SCAND3: variants seen among roughly 807,000 people sequenced by gnomAD.
SCAND3 encodes SCAN domain containing 3, also known as SCAN domain-containing protein 3.
the SCAND3 span, chr6:28,615,987 G>A: frequency 6.6e-6 from 1 of 152,164 alleles, no homozygotes; most frequent in Non-Finnish European, 1.5e-5. Context: ...ATGTTTTCTT[G>A]TAAAAGTTTT....
chr6:28,598,146 A>G, the SCAND3 span: 1 of 152,196 alleles, frequency 6.6e-6, no homozygotes, highest in Non-Finnish European at 1.5e-5. Context: ...GGAGCCAGCT[A>G]GCTTGGGTCG....
chr6:28,575,633 T>C, the SCAND3 span: 4 of 1,614,056 alleles, frequency 2.5e-6, no homozygotes, highest in African/African-American at 5.3e-5. This position sits in a 1 kb window ranked among gnomAD's most constrained non-coding sequence, Gnocchi z 4.2. Flanking sequence ...TTCTTGAGTT[T>C]TGAATTTTTC....
the SCAND3 span, among the ~76,000 whole-genome samples, chr6:28,583,442 C>A: frequency 6.6e-6 from 1 of 152,110 alleles, no homozygotes; most frequent in African/African-American, 2.4e-5. Context: ...ATATAATCAT[C>A]AAAAATCCAA....
chr6:28,584,569 A>G, the SCAND3 span, among the ~76,000 whole-genome samples: 1 of 152,166 alleles, frequency 6.6e-6, no homozygotes, highest in Non-Finnish European at 1.5e-5. Flanking sequence ...CCATCAGTTG[A>G]TCCTTTGTAG....
At chr6:28,597,380 T>C in the SCAND3 span, among the ~76,000 whole-genome samples, 3 of 152,316 alleles carry the variant, frequency 2.0e-5, no homozygotes, top group East Asian at 1.9e-4. Flanking sequence ...CAGAGCACAA[T>C]GGATTAGCAG....
chr6:28,587,227 A>C, the SCAND3 span: 1 of 156,584 alleles, frequency 6.4e-6, no homozygotes, highest in Non-Finnish European at 1.4e-5. Context: ...GACCCTGTGG[A>C]ACCCAGACTA....
At chr6:28,602,463 C>G in the SCAND3 span, among the ~76,000 whole-genome samples, 1 of 152,250 alleles carries the variant, frequency 6.6e-6, no homozygotes, top group Non-Finnish European at 1.5e-5. Flanking sequence ...CCGCCTCAGC[C>G]TCCCAAAGTG....
chr6:28,598,614 G>A, the SCAND3 span, among the ~76,000 whole-genome samples: 1 of 151,808 alleles, frequency 6.6e-6, no homozygotes, highest in Admixed American at 6.6e-5. Flanking sequence ...CCGGTCCGAG[G>A]TGGGTGTATC....
the SCAND3 span, among the ~76,000 whole-genome samples, chr6:28,602,329 C>T: frequency 2.6e-5 from 4 of 152,162 alleles, no homozygotes; most frequent in Admixed American, 1.3e-4. Flanking sequence ...CTGCCTTAGC[C>T]TCCTGAGTAA....
the SCAND3 span, among the ~76,000 whole-genome samples, chr6:28,604,988 C>T: frequency 4.6e-5 from 7 of 152,262 alleles, no homozygotes; most frequent in Non-Finnish European, 1.0e-4. Context: ...CAAATTTGAC[C>T]CTGAACCACT....
the SCAND3 span, among the ~76,000 whole-genome samples, chr6:28,577,273 A>G: frequency 6.6e-6 from 1 of 152,218 alleles, no homozygotes; most frequent in Admixed American, 6.5e-5. Context: ...AAAAGTAAAA[A>G]ATAATAATTT....
At chr6:28,609,184 T>G in the SCAND3 span, among the ~76,000 whole-genome samples, 1 of 152,210 alleles carries the variant, frequency 6.6e-6, no homozygotes, top group Non-Finnish European at 1.5e-5. Flanking sequence ...GAAAAAGTAA[T>G]TAAAGGATTA....
chr6:28,574,021 A>G, the SCAND3 span, among the ~76,000 whole-genome samples: 10 of 152,294 alleles, frequency 6.6e-5, no homozygotes, highest in Non-Finnish European at 1.5e-4. Context: ...AACGAAACAT[A>G]AAGTATCACA....
chr6:28,593,057 C>A, the SCAND3 span, among the ~76,000 whole-genome samples: 17 of 149,036 alleles, frequency 1.1e-4, no homozygotes, highest in African/African-American at 4.3e-4. Flanking sequence ...GAAGCTAAAG[C>A]AGACAGATGG....
chr6:28,579,500 A>C, the SCAND3 span: 4 of 1,258,316 alleles, frequency 3.2e-6, no homozygotes, highest in Non-Finnish European at 3.4e-6. The surrounding 1 kb of genome is among the most constrained non-coding windows in gnomAD (Gnocchi z 4.5). Flanking sequence ...TTCCACTAAA[A>C]TAGAATGTAA....
the SCAND3 span, chr6:28,573,518 G>C: frequency 6.2e-7 from 1 of 1,613,594 alleles, no homozygotes; most frequent in Non-Finnish European, 8.5e-7. Context: ...AATTCTTTTG[G>C]TTGTGAACTT....
chr6:28,598,417 C>T, the SCAND3 span, among the ~76,000 whole-genome samples: 1 of 152,004 alleles, frequency 6.6e-6, no homozygotes, highest in African/African-American at 2.4e-5. Flanking sequence ...ATCTTTACTT[C>T]TCTTTAGGCA....
chr6:28,613,134 C>T, the SCAND3 span, among the ~76,000 whole-genome samples: 4 of 152,018 alleles, frequency 2.6e-5, no homozygotes, highest in Non-Finnish European at 5.9e-5. Flanking sequence ...ACACAATATG[C>T]GCAGTATAGC....
At chr6:28,598,865 A>C in the SCAND3 span, among the ~76,000 whole-genome samples, 152 of 136,418 alleles carry the variant, frequency 1.1e-3, no homozygotes, top group African/African-American at 4.3e-3. Context: ...TGACAGAGTG[A>C]GACTATGTCT....
Sources: allele counts gnomAD v4.1 joint callset (sites outside exome capture counted in the v4.1 genomes callset), GRCh38; gene constraint gnomAD v4.1.1; non-coding constraint Gnocchi (gnomAD v3.1); transcripts MANE v1.5; gene names NCBI Gene and HGNC (gene_info 2026-07-23, HGNC 2026-07-21).